The following NCOA2 variants were observed in gnomAD, a reference collection of about 807,000 sequenced individuals.
NCOA2 encodes nuclear receptor coactivator 2.
A neutral mutation model predicts 145.1 loss-of-function variants in NCOA2; 21 were observed. The ratio of observed to expected loss-of-function variants is 0.14; its 90% confidence interval spans 0.10 to 0.21. The LOEUF is 0.21. Among genes scored for constraint, NCOA2 ranks in the 10% least tolerant of loss-of-function variants. The pLI is 1.00. For synonymous variants in NCOA2, 619 were observed against 637.5 expected, an observed-to-expected ratio of 0.97 and a Z score of 0.44; for missense variants, 1,472 against 1,837.6, an observed-to-expected ratio of 0.80 and a Z score of 3.64.
chr8:70,150,119 T>A (rs1443299106), intron 11 of NCOA2, among the ~76,000 whole-genome samples: 2 of 152,224 alleles, frequency 1.3e-5, no homozygotes, highest in Non-Finnish European at 1.5e-5. Flanking sequence ...GACAACTAGC[T>A]TAGCAATGAT....
chr8:70,225,111 G>A (rs1372483803), intron 2 of NCOA2, among the ~76,000 whole-genome samples: 2 of 152,180 alleles, frequency 1.3e-5, no homozygotes, highest in African/African-American at 4.8e-5. Flanking sequence ...CACCAAGCAA[G>A]GTTCTAGTTA....
Position 70,122,817 on chromosome 8 carries a change from A to C in NCOA2, c.4293+1067T>G, listed in dbSNP as rs555602170. Reference sequence around the variant, plus strand: ...TAAATAGATCTAATCAAACTCTTCAATCTTTCACCATTCTCACAATCTTGT... The same window carrying C: ...TAAATAGATCTAATCAAACTCTTCACTCTTTCACCATTCTCACAATCTTGT... On this transcript the variant is annotated intron_variant, in intron 21 of 22. Transcript: ENST00000452400. Among the ~76,000 whole-genome samples, 3 of 152,348 alleles carry C rather than the reference A, an allele frequency of 2.0e-5. No homozygotes were observed. In the South Asian group the frequency reaches 6.2e-4, roughly 32 times the overall value.
chr8:70,175,643 T>C (rs1563570920), intron 4 of NCOA2, among the ~76,000 whole-genome samples: 1 of 152,224 alleles, frequency 6.6e-6, no homozygotes, highest in African/African-American at 2.4e-5. Context: ...CTTATCAACG[T>C]ATGTGGTAAA....
intron 2 of NCOA2, among the ~76,000 whole-genome samples, chr8:70,224,761 ATATT>A (rs912964704): frequency 6.7e-6 from 1 of 149,642 alleles, no homozygotes; most frequent in Admixed American, 6.6e-5. Flanking sequence ...TACGTTACAT[ATATT>A]TAATTAATTT....
intron 19 of NCOA2, 45 bp from the exon 20 acceptor site, chr8:70,124,910 T>C: frequency 6.5e-7 from 1 of 1,527,856 alleles, no homozygotes; most frequent in Non-Finnish European, 8.8e-7. Flanking sequence ...AGACTGTTAG[T>C]TATATTGTAG....
chr8:70,238,405 AGAGGAG>A (rs1821842097), intron 2 of NCOA2, among the ~76,000 whole-genome samples: 1 of 139,538 alleles, frequency 7.2e-6, no homozygotes, highest in Middle Eastern at 3.3e-3. Flanking sequence ...CCTATTTTAC[AGAGGAG>A]AAAACAGATT....
At chr8:70,422,496 T>A in the NCOA2 span, among the ~76,000 whole-genome samples, 1 of 152,024 alleles carries the variant, frequency 6.6e-6, no homozygotes. Context: ...CTGCAACCTC[T>A]GCTTCCCAGG....
intron 11 of NCOA2, among the ~76,000 whole-genome samples, chr8:70,152,174 G>A (rs1317682449): frequency 1.3e-5 from 2 of 152,102 alleles, no homozygotes; most frequent in Non-Finnish European, 2.9e-5. Context: ...AACTATTTCA[G>A]GCAGAAAATG....
chr8:70,209,416 G>A (rs1407524061), intron 4 of NCOA2, among the ~76,000 whole-genome samples: 2 of 152,228 alleles, frequency 1.3e-5, no homozygotes, highest in African/African-American at 2.4e-5. Flanking sequence ...GCAGGAACAG[G>A]GTTTGAGAGG....
intron 2 of NCOA2, among the ~76,000 whole-genome samples, chr8:70,228,625 T>G (rs1361069211): frequency 6.6e-6 from 1 of 152,234 alleles, no homozygotes; most frequent in Non-Finnish European, 1.5e-5. Context: ...CTGTTTCTTT[T>G]AAATAGTCCT....
intron 19 of NCOA2, 75 bp downstream of exon 19, chr8:70,126,724 AGAGCTGTGAGAGAG>A: frequency 9.1e-7 from 1 of 1,093,998 alleles, no homozygotes; most frequent in South Asian, 1.4e-5. Context: ...AGCCATGCAA[AGAGCTGTGAGAGAG>A]GAGCTGTGAC....
At chr8:70,169,045 T>C (rs1813945081) in intron 6 of NCOA2, among the ~76,000 whole-genome samples, 1 of 152,216 alleles carries the variant, frequency 6.6e-6, no homozygotes, top group South Asian at 2.1e-4. Context: ...CCAGCTAGTA[T>C]AAACAATCTT....
intron 2 of NCOA2, among the ~76,000 whole-genome samples, chr8:70,224,578 G>T (rs1418166266): frequency 6.6e-6 from 1 of 151,940 alleles, no homozygotes; most frequent in African/African-American, 2.4e-5. Flanking sequence ...AGAACTTATA[G>T]ACACTTAGAT....
At chr8:70,372,023 T>C (rs1811270894) in intron 1 of NCOA2, among the ~76,000 whole-genome samples, 1 of 152,096 alleles carries the variant, frequency 6.6e-6, no homozygotes, top group Non-Finnish European at 1.5e-5. Context: ...AGGGAAAAAA[T>C]GTTATTAGGC....
intron 1 of NCOA2, among the ~76,000 whole-genome samples, chr8:70,312,989 T>C (rs577297835): frequency 3.3e-5 from 5 of 152,272 alleles, no homozygotes; most frequent in African/African-American, 9.6e-5. Flanking sequence ...AGACAGGTAA[T>C]TGGGGGAAAA....
At chr8:70,318,672 G>A (rs1169274719) in intron 1 of NCOA2, among the ~76,000 whole-genome samples, 3 of 152,138 alleles carry the variant, frequency 2.0e-5, no homozygotes, top group Non-Finnish European at 4.4e-5. Context: ...GGAGGCTGTG[G>A]GAGGATCATT....
At chr8:70,306,012 T>A (rs1179906019) in intron 1 of NCOA2, among the ~76,000 whole-genome samples, 1 of 152,182 alleles carries the variant, frequency 6.6e-6, no homozygotes, top group Non-Finnish European at 1.5e-5. Context: ...TCATTAGAAA[T>A]GTGGCCCTAC....
At chr8:70,172,107 T>C (rs1400398762) in intron 5 of NCOA2, among the ~76,000 whole-genome samples, 1 of 152,174 alleles carries the variant, frequency 6.6e-6, no homozygotes, top group East Asian at 1.9e-4. Flanking sequence ...ATTACAGGCA[T>C]GAGCCAGTGC....
intron 1 of NCOA2, among the ~76,000 whole-genome samples, chr8:70,311,545 G>A (rs1050304003): frequency 6.6e-6 from 1 of 152,138 alleles, no homozygotes; most frequent in Non-Finnish European, 1.5e-5. Flanking sequence ...AACATCATCA[G>A]GATCTTTAAA....
Sources: allele counts gnomAD v4.1 joint callset (sites outside exome capture counted in the v4.1 genomes callset), GRCh38; gene constraint gnomAD v4.1.1; transcripts MANE v1.5; gene names NCBI Gene and HGNC (gene_info 2026-07-23, HGNC 2026-07-21).